MYT1: variants seen among roughly 807,000 people sequenced by gnomAD.
MYT1 encodes myelin transcription factor I.
A neutral mutation model predicts 123.0 loss-of-function variants in MYT1; 23 were observed. The observed-to-expected ratio is 0.19, with a 90% CI of 0.13 to 0.26. The LOEUF is 0.26. Ranked by LOEUF, MYT1 falls within the 10% of genes least tolerant of loss-of-function variation. MYT1 has a pLI of 1.00. For missense variants in MYT1, 1,125 were observed against 1,472.5 expected, an observed-to-expected ratio of 0.76 and a Z score of 3.86; for synonymous variants, 518 against 575.3, an observed-to-expected ratio of 0.90 and a Z score of 1.43.
At chr20:64,239,997 T>C in intron 22 of MYT1, 94 bp downstream of exon 22, 2 of 1,536,798 alleles carry the variant, frequency 1.3e-6, no homozygotes, top group Non-Finnish European at 1.8e-6. Flanking sequence ...CCTCTGCCTC[T>C]GGGTCCTGCC....
At chr20:64,211,439 C>T (rs1388529114) in intron 8 of MYT1, 99 bp downstream of exon 8, 2 of 1,262,158 alleles carry the variant, frequency 1.6e-6, no homozygotes, top group African/African-American at 3.0e-5. Flanking sequence ...TGCCCAGGGC[C>T]ATAACCTTCC....
At chr20:64,195,400 A>AATTTTTT (rs1568704696) in intron 2 of MYT1, among the ~76,000 whole-genome samples, 3 of 7,824 alleles carry the variant, frequency 3.8e-4, no homozygotes, top group South Asian at 3.6e-3. Flanking sequence ...GTGTGTGTAT[A>AATTTTTT]CTTTTTTTTT....
rs753474853 is a variant in MYT1, at chr20:64,205,605, G to A, written c.202G>A (p.Glu68Lys). 2.5e-6 allele frequency: 4 copies of A among 1,614,188 alleles called. No homozygotes were observed. The highest frequency in any genetic ancestry group is 1.1e-5 in the South Asian group (1 of 91,088). The change falls in exon 6 of 23, where the codon GAG (glutamate) becomes AAG (lysine). Residue 68 changes from glutamate (E) to lysine (K), a missense_variant. Physicochemically the swap from Glu to Lys is moderately conservative, Grantham distance 56. Coordinates refer to ENST00000328439, the MANE Select transcript of MYT1 (RefSeq NM_004535.3). ...KKRKLEGAEA[E>K]HLVSKRKSHP... The stretch of plus-strand genomic sequence containing the variant: ...GAGGAAGCTGGAGGGCGCTGAGGCT[G>A]AGCACCTGGTGTCCAAGAGGAAGTC...
chr20:64,234,902 CTGG>C (rs1358233958), intron 19 of MYT1, among the ~76,000 whole-genome samples: 3 of 139,748 alleles, frequency 2.1e-5, no homozygotes, highest in Admixed American at 1.4e-4. Context: ...TGACACTGGG[CTGG>C]TGGTGGTGGG....
Position 64,231,251 on chromosome 20 carries a change from C to A in MYT1, c.2676-913C>A, listed in dbSNP as rs1014829785. On this transcript the variant is annotated intron_variant, in intron 18 of 22. Coordinates refer to ENST00000328439, the MANE Select transcript of MYT1 (RefSeq NM_004535.3). This position sits in a 1 kb window ranked among gnomAD's most constrained non-coding sequence, Gnocchi z 6.4. ...AGAATGAGCCTTGCAGATTGAAGAT[C>A]TTGTCCTGGGTTTGGCGTGGGTTCC... 1.3e-5 allele frequency among the ~76,000 whole-genome samples: 2 copies of A among 152,192 alleles called. No individual in the cohort carries two copies. The highest frequency in any genetic ancestry group is 4.8e-5 in the African/African-American group (2 of 41,440).
In MYT1 at chr20:64,202,715, G is replaced by A. The variant is rs1159508009; in HGVS notation, c.87-2320G>A. 6.6e-6 allele frequency among the ~76,000 whole-genome samples: 1 copy of A among 152,150 alleles called. No individual in the cohort carries two copies. The highest frequency in any genetic ancestry group is 2.4e-5 in the African/African-American group (1 of 41,412). ...CTTTGACGCCTACTTTTCAAGTTTG[G>A]GTCCCTCAGAGCTGTCATGCAGGAT... On this transcript the variant is annotated intron_variant, in intron 4 of 22. Transcript: ENST00000328439. The surrounding 1 kb of genome is among the most constrained non-coding windows in gnomAD (Gnocchi z 5.0).
rs554858889 is a variant in MYT1, at chr20:64,229,043, G to A, written c.2675+1072G>A. Among the ~76,000 whole-genome samples the A allele has an allele frequency of 9.8e-5, 15 of 152,322 alleles. 1 individual carries two copies. In the South Asian group the frequency reaches 1.9e-3, roughly 19 times the overall value. On this transcript the variant is annotated intron_variant, in intron 18 of 22. Transcript: ENST00000328439. ...TTGCTCCAGCTGTGCCCAAACACCC[G>A]GCCACACTGGAGGAGCCTAATTGAC...
intron 1 of MYT1, among the ~76,000 whole-genome samples, chr20:64,169,349 C>T (rs189056653): frequency 1.0e-3 from 157 of 152,348 alleles, no homozygotes; most frequent in African/African-American, 3.6e-3. Flanking sequence ...TCCCGGTGTG[C>T]GCCTCGCTGA....
At chr20:64,239,697 A>G in intron 21 of MYT1, 63 bp from the exon 22 acceptor site, 1 of 1,604,104 alleles carries the variant, frequency 6.2e-7, no homozygotes, top group South Asian at 1.1e-5. Context: ...GGCAGCCCAG[A>G]GAGGACCCCC....
In MYT1 at chr20:64,217,073, G is replaced by A; in HGVS notation, c.1638G>A (p.Met546Ile). ...SSNSDRILRP[M>I]CFVKQLEVPP... ...TCCCTGTACTGCACCCCAGGCCCAT[G>A]TGCTTCGTGAAGCAGCTCGAGGTCC... Residue 546 changes from methionine (M) to isoleucine (I), a missense_variant, in exon 11 of 23, where the codon ATG (methionine) becomes ATA (isoleucine). By Grantham distance (10) the Met-to-Ile change is conservative. Coordinates refer to ENST00000328439, the MANE Select transcript of MYT1 (RefSeq NM_004535.3). 6.2e-7 allele frequency: 1 copy of A among 1,613,388 alleles called. No homozygotes were observed. The highest frequency in any genetic ancestry group is 8.5e-7 in the Non-Finnish European group (1 of 1,179,906).
chr20:64,198,620 C>G (rs2295449), intron 2 of MYT1, among the ~76,000 whole-genome samples: 78,408 of 152,142 alleles, frequency 0.52, 21,750 homozygotes, highest in African/African-American at 0.7. Context: ...CTTGCCAAGG[C>G]CGGGGACATG....
At chr20:64,170,918 GAGAGAGAGA>G (rs1982254989) in intron 1 of MYT1, among the ~76,000 whole-genome samples, 4 of 135,844 alleles carry the variant, frequency 2.9e-5, no homozygotes, top group African/African-American at 1.1e-4. Context: ...GAGAGAGAGA[GAGAGAGAGA>G]GAGAGAGACG....
intron 1 of MYT1, among the ~76,000 whole-genome samples, chr20:64,180,821 T>C (rs1021624611): frequency 1.3e-5 from 2 of 152,272 alleles, no homozygotes; most frequent in Non-Finnish European, 2.9e-5. Context: ...ACCAGTGTTA[T>C]GTCTCATACA....
At position 64,213,489 on chromosome 20, in the gene MYT1, G is replaced by C; in HGVS notation, c.1518-45G>C. Reference sequence around the variant, plus strand: ...CACACAGACACCCAGGACAGGACAGGCATGGAGGGGAAGGCTCAGAAACCC... The same window carrying C: ...CACACAGACACCCAGGACAGGACAGCCATGGAGGGGAAGGCTCAGAAACCC... On this transcript the variant is annotated intron_variant, in intron 9 of 22. Coordinates refer to ENST00000328439, the MANE Select transcript of MYT1 (RefSeq NM_004535.3). The surrounding 1 kb of genome is among the most constrained non-coding windows in gnomAD (Gnocchi z 5.6). 6.7e-7 allele frequency: 1 copy of C among 1,491,158 alleles called. No homozygotes were observed. The allele number at this position is 1,491,158 out of a possible 1,614,324, so 92.4% of individuals were successfully genotyped here. A position where few individuals can be genotyped will look rare whatever the true frequency, so the allele number is the denominator to read the frequency against.
chr20:64,177,129 T>G (rs1982481621), intron 1 of MYT1, among the ~76,000 whole-genome samples: 2 of 152,208 alleles, frequency 1.3e-5, no homozygotes, highest in Admixed American at 1.3e-4. Flanking sequence ...TCTGTATTAT[T>G]TTCTCAGCAG....
Position 64,208,266 on chromosome 20 carries a change from A to G in MYT1, c.1070A>G (p.His357Arg), listed in dbSNP as rs2145717075. 6.2e-7 allele frequency: 1 copy of G among 1,614,054 alleles called. No individual in the cohort carries two copies. The highest frequency in any genetic ancestry group is 1.1e-5 in the South Asian group (1 of 91,056). Reference protein sequence around the residue: ...RSDDDKDEDTHSRKSTVTDES... With the variant: ...RSDDDKDEDTRSRKSTVTDES... ...GATGATGACAAGGACGAGGACACCCACTCCCGGAAGTCAACAGTCACTGAC... is the reference window on the plus strand; with the variant it reads ...GATGATGACAAGGACGAGGACACCCGCTCCCGGAAGTCAACAGTCACTGAC... Residue 357 changes from histidine to arginine, a missense_variant, in exon 7 of 23, where the codon CAC (histidine) becomes CGC (arginine). His to Arg is a conservative substitution (Grantham distance 29). Transcript: ENST00000328439. This position sits in a 1 kb window ranked among gnomAD's most constrained non-coding sequence, Gnocchi z 5.4.
rs1157764272 is a variant in MYT1, at chr20:64,168,236, A to G, written c.-99+3497A>G. Among the ~76,000 whole-genome samples the G allele has an allele frequency of 6.6e-6, 1 of 152,222 alleles. No homozygotes were observed. The highest frequency in any genetic ancestry group is 1.9e-4 in the East Asian group (1 of 5,208). On this transcript the variant is annotated intron_variant, in intron 1 of 22. Transcript: ENST00000328439. This position sits in a 1 kb window ranked among gnomAD's most constrained non-coding sequence, Gnocchi z 6.1. The stretch of plus-strand genomic sequence containing the variant: ...CTTCCACGGAGCCAGCTTCAGAGAG[A>G]AGAGATTAATGGATACTTGCAAGTG...
chr20:64,169,955 T>C (rs949207678), intron 1 of MYT1, among the ~76,000 whole-genome samples: 4 of 151,804 alleles, frequency 2.6e-5, no homozygotes, highest in Non-Finnish European at 5.9e-5. Flanking sequence ...TCCCTCACAG[T>C]CCCACCCAGC....
At position 64,186,109 on chromosome 20, in the gene MYT1, A is replaced by G. The variant is rs1487896359; in HGVS notation, c.-98-3954A>G. Among the ~76,000 whole-genome samples the G allele has an allele frequency of 6.6e-6, 1 of 152,090 alleles. No homozygotes were observed. Among genetic ancestry groups the G allele is most frequent in the East Asian group, 1.9e-4 (1 of 5,186 alleles). On this transcript the variant is annotated intron_variant, in intron 1 of 22. Coordinates refer to ENST00000328439, the MANE Select transcript of MYT1 (RefSeq NM_004535.3). This position sits in a 1 kb window ranked among gnomAD's most constrained non-coding sequence, Gnocchi z 4.3. ...CCTCTCCTCTGGACCTTTGTGCATC[A>G]ATCTCAGCTGAGGAGGCCCTGTTTG... is the stretch of plus-strand genomic sequence containing the variant.
Sources: allele counts gnomAD v4.1 joint callset (sites outside exome capture counted in the v4.1 genomes callset), GRCh38; gene constraint gnomAD v4.1.1; non-coding constraint Gnocchi (gnomAD v3.1); transcripts MANE v1.5; gene names NCBI Gene and HGNC (gene_info 2026-07-23, HGNC 2026-07-21).